The following HACD1 variants were observed in gnomAD, a reference collection of about 807,000 sequenced individuals.
HACD1 encodes very-long-chain (3R)-3-hydroxyacyl-CoA dehydratase 1.
A neutral mutation model predicts 32.0 loss-of-function variants in HACD1; 41 were observed. The ratio of observed to expected loss-of-function variants is 1.28; its 90% CI spans 1.00 to 1.66. The LOEUF is 1.66. HACD1 is among the 40% of genes most tolerant of loss of function. The pLI is 0.00. For synonymous variants in HACD1, 142 were observed against 139.0 expected (o/e 1.02, Z -0.15); for missense variants, 396 against 380.1 (o/e 1.04, Z -0.35).
At position 17,611,121 on chromosome 10, in the gene HACD1, C is replaced by T. The variant is rs1834229291; in HGVS notation, c.257+5962G>A. ...GTTCAAGAGATTCTCCTGCCTCAGTCTCCCGAGTAGCTGGGACTACAGGTG... is the reference window on the plus strand; with the variant it reads ...GTTCAAGAGATTCTCCTGCCTCAGTTTCCCGAGTAGCTGGGACTACAGGTG... On this transcript the variant is annotated intron_variant, in intron 1 of 6. Coordinates refer to ENST00000361271, the MANE Select transcript of HACD1 (RefSeq NM_014241.4). Among the ~76,000 whole-genome samples, 4 of 151,282 alleles carry T rather than the reference C, an allele frequency of 2.6e-5. No individual in the cohort carries two copies. The Admixed American group carries it at 2.7e-4, about 10-fold the overall frequency.
chr10:17,592,305 C>T (rs976807195), intron 6 of HACD1, among the ~76,000 whole-genome samples: 1 of 152,138 alleles, frequency 6.6e-6, no homozygotes, highest in Admixed American at 6.6e-5. Context: ...TTTTAAGCAA[C>T]TCACTTAACC....
intron 1 of HACD1, among the ~76,000 whole-genome samples, chr10:17,609,025 C>G (rs1412809650): frequency 6.6e-6 from 1 of 151,922 alleles, no homozygotes; most frequent in Admixed American, 6.6e-5. Context: ...AAAAATCAAG[C>G]CCAAACTGGA....
rs1217910067 is a variant in HACD1 at position 17,603,723 on chromosome 10, C to T, written c.394+3G>A. ...AAAGTATAAAATTGAAGCAAAAACT[C>T]ACCAATTAAACAGTGAACTATCTGT... On this transcript the variant is annotated splice_donor_region_variant and intron_variant, in intron 3 of 6. Transcript: ENST00000361271. 1.2e-6 allele frequency: 2 copies of T among 1,600,802 alleles called. No individual in the cohort carries two copies. The highest frequency in any genetic ancestry group is 1.7e-6 in the Non-Finnish European group (2 of 1,168,772).
intron 1 of HACD1, among the ~76,000 whole-genome samples, chr10:17,611,964 C>T (rs1205241153): frequency 6.7e-6 from 1 of 149,430 alleles, no homozygotes; most frequent in African/African-American, 2.5e-5. Context: ...GAGACTCTGT[C>T]TTGAAAAAAA....
At chr10:17,599,056 C>T (rs1834032635) in intron 5 of HACD1, 2 of 743,808 alleles carry the variant, frequency 2.7e-6, no homozygotes, top group Non-Finnish European at 3.6e-6. Context: ...AAGGATACCA[C>T]AATTTGTCTC....
intron 5 of HACD1, among the ~76,000 whole-genome samples, chr10:17,598,589 T>C (rs1834026058): frequency 1.3e-5 from 2 of 152,210 alleles, no homozygotes; most frequent in African/African-American, 2.4e-5. Context: ...CCATTTGTCA[T>C]TGTTATTGCT....
At chr10:17,609,155 G>GTTTTTTTTTTTTTTTTTT (rs56347429) in intron 1 of HACD1, among the ~76,000 whole-genome samples, 2 of 132,120 alleles carry the variant, frequency 1.5e-5, no homozygotes, top group African/African-American at 5.7e-5. Context: ...TGTGCAAAAG[G>GTTTTTTTTTTTTTTTTTT]TTTTTTTTTT....
At position 17,590,416 on chromosome 10, in the gene HACD1, C is replaced by T. The variant is rs1027232748; in HGVS notation, c.815G>A (p.Arg272His). Residue 272 changes from arginine (R) to histidine (H), a missense_variant, in exon 7 of 7, where the codon CGT (arginine) becomes CAT (histidine). Coordinates refer to ENST00000361271, the MANE Select transcript of HACD1 (RefSeq NM_014241.4). ...TCCATGAAGCACCTTTCTTCTTTGA[C>T]GTAACATATGAAAATAGAGTTGTGG... ...LFPQLYFHML[R>H]QRRKVLHGEV... The T allele has an allele frequency of 1.5e-5, 24 of 1,597,266 alleles. No homozygotes were observed. The highest frequency in any genetic ancestry group is 2.3e-5 in the East Asian group (1 of 44,222).
chr10:17,593,443 G>A (rs1833954732), intron 6 of HACD1, among the ~76,000 whole-genome samples: 1 of 152,048 alleles, frequency 6.6e-6, no homozygotes, highest in Admixed American at 6.6e-5. Flanking sequence ...AGCCTCCTGA[G>A]TAGCTGAGAT....
At chr10:17,614,509 C>T (rs554669871) in intron 1 of HACD1, among the ~76,000 whole-genome samples, 1 of 152,046 alleles carries the variant, frequency 6.6e-6, no homozygotes, top group South Asian at 2.1e-4. Flanking sequence ...TCCCAAAGTG[C>T]TGGGATTACA....
intron 2 of HACD1, 31 bp downstream of exon 2, chr10:17,603,899 C>A (rs782819569): frequency 6.5e-7 from 1 of 1,532,544 alleles, no homozygotes; most frequent in South Asian, 1.2e-5. Context: ...AATATTACAG[C>A]AATAGAAAAA....
intron 1 of HACD1, among the ~76,000 whole-genome samples, chr10:17,611,242 C>T (rs1305100778): frequency 6.6e-6 from 1 of 152,120 alleles, no homozygotes; most frequent in Non-Finnish European, 1.5e-5. Flanking sequence ...CCTCGTGATC[C>T]GCCTGCTTCA....
chr10:17,608,190 T>C lies in HACD1; in HGVS notation c.258-4143A>G, dbSNP rs560353499. Among the ~76,000 whole-genome samples, 81 of 152,122 alleles carry C rather than the reference T, an allele frequency of 5.3e-4. No homozygotes were observed. In the South Asian group the frequency reaches 0.011, roughly 20 times the overall value. On this transcript the variant is annotated intron_variant, in intron 1 of 6. Coordinates refer to ENST00000361271, the MANE Select transcript of HACD1 (RefSeq NM_014241.4). ...ATACCTGGCTCATTATTGTTCTTGC[T>C]GTTGTGGGGTTTTTTTTAGTAGAGA... is the stretch of plus-strand genomic sequence containing the variant.
chr10:17,600,977 C>G (rs1039417159), intron 4 of HACD1, among the ~76,000 whole-genome samples: 15 of 151,876 alleles, frequency 9.9e-5, no homozygotes, highest in Admixed American at 7.9e-4. Flanking sequence ...CGTGATTTAA[C>G]GTTAAGTGTA....
intron 5 of HACD1, among the ~76,000 whole-genome samples, chr10:17,595,223 C>G (rs1164630603): frequency 6.6e-6 from 1 of 152,104 alleles, no homozygotes; most frequent in African/African-American, 2.4e-5. Flanking sequence ...CAAATGACTG[C>G]TTTTGTCCGC....
chr10:17,607,328 A>G (rs1482266223), intron 1 of HACD1, among the ~76,000 whole-genome samples: 1 of 152,160 alleles, frequency 6.6e-6, no homozygotes, highest in Admixed American at 6.5e-5. Context: ...TGATGGATCC[A>G]TCTCATGTGA....
intron 4 of HACD1, among the ~76,000 whole-genome samples, chr10:17,602,636 C>T (rs1394929724): frequency 6.6e-6 from 1 of 152,104 alleles, no homozygotes; most frequent in African/African-American, 2.4e-5. Flanking sequence ...AGCTAACGAA[C>T]CTATGTATTA....
intron 1 of HACD1, among the ~76,000 whole-genome samples, chr10:17,604,354 G>A (rs1336504589): frequency 6.6e-6 from 1 of 151,898 alleles, no homozygotes; most frequent in African/African-American, 2.4e-5. Context: ...GTGTGGTGGC[G>A]GGCGCCTGAG....
rs1470105624 is a variant in HACD1, at chr10:17,591,679, G to A, written c.785-1233C>T. On this transcript the variant is annotated intron_variant, in intron 6 of 6. Coordinates refer to ENST00000361271, the MANE Select transcript of HACD1 (RefSeq NM_014241.4). ...TTAATATCAGCTATAAACAATGCCAGTGTAAAAATATTTCTGAATATGATG... is the reference window on the plus strand; with the variant it reads ...TTAATATCAGCTATAAACAATGCCAATGTAAAAATATTTCTGAATATGATG... Among the ~76,000 whole-genome samples, 4 of 135,430 alleles carry A rather than the reference G, an allele frequency of 3.0e-5. No homozygotes were observed. In the East Asian group the frequency reaches 1.0e-3, roughly 35 times the overall value. The allele number at this position is 135,430 out of a possible 152,430, so 88.8% of individuals were successfully genotyped here. A position where few individuals can be genotyped will look rare whatever the true frequency, so the allele number is the denominator to read the frequency against.
Sources: allele counts gnomAD v4.1 joint callset (sites outside exome capture counted in the v4.1 genomes callset), GRCh38; gene constraint gnomAD v4.1.1; transcripts MANE v1.5; gene names NCBI Gene and HGNC (gene_info 2026-07-23, HGNC 2026-07-21).